The following CCDC85A variants were observed in gnomAD, a reference collection of about 807,000 sequenced individuals.
CCDC85A encodes the protein coiled-coil domain containing 85A, also known as coiled-coil domain-containing protein 85A.
CCDC85A carries 38 observed loss-of-function variants against 50.2 expected under a neutral mutation model. The observed-to-expected ratio is 0.76, with a 90% CI of 0.58 to 0.99. CCDC85A has a LOEUF of 0.99. Among genes scored for constraint, CCDC85A ranks in the 50% least tolerant of loss-of-function variants. The probability of loss-of-function intolerance (pLI) is 0.00; values close to 1 mark genes in which losing one functional copy is unlikely to be tolerated. For missense variants in CCDC85A, 820 were observed against 742.0 expected, an observed-to-expected ratio of 1.11 and a Z score of -1.22; for synonymous variants, 366 against 301.4, an observed-to-expected ratio of 1.21 and a Z score of -2.22.
intron 2 of CCDC85A, among the ~76,000 whole-genome samples, chr2:56,294,682 C>T (rs1405381328): frequency 6.6e-6 from 1 of 152,184 alleles, no homozygotes; most frequent in African/African-American, 2.4e-5. Context: ...ACAGATAAAA[C>T]ACTTTGCCTA....
At chr2:56,202,208 G>C (rs1314777535) in intron 2 of CCDC85A, among the ~76,000 whole-genome samples, 1 of 152,206 alleles carries the variant, frequency 6.6e-6, no homozygotes, top group Non-Finnish European at 1.5e-5. Flanking sequence ...TATCAGAGAA[G>C]ACCTGGTGAT....
intron 2 of CCDC85A, among the ~76,000 whole-genome samples, chr2:56,334,685 A>G (rs1277023338): frequency 1.3e-5 from 2 of 152,318 alleles, no homozygotes; most frequent in South Asian, 2.1e-4. Context: ...TTATGGTACA[A>G]AGCAGTATAT....
chr2:56,281,285 A>C (rs766016136), intron 2 of CCDC85A, among the ~76,000 whole-genome samples: 5 of 152,172 alleles, frequency 3.3e-5, no homozygotes, highest in Non-Finnish European at 7.4e-5. Context: ...TTTTTAAAAA[A>C]TATTTTTTCT....
At chr2:56,358,005 G>A (rs950503741) in intron 3 of CCDC85A, among the ~76,000 whole-genome samples, 8 of 152,174 alleles carry the variant, frequency 5.3e-5, no homozygotes, top group African/African-American at 1.9e-4. Context: ...GCAGGTGAGA[G>A]AATGTCACCT....
intron 2 of CCDC85A, among the ~76,000 whole-genome samples, chr2:56,218,767 A>G (rs964606949): frequency 3.3e-5 from 5 of 151,734 alleles, no homozygotes; most frequent in Non-Finnish European, 5.9e-5. Flanking sequence ...ATTTTTCCCT[A>G]TGGCACCAAC....
intron 4 of CCDC85A, among the ~76,000 whole-genome samples, chr2:56,374,017 G>A (rs1167128164): frequency 1.3e-5 from 2 of 152,174 alleles, no homozygotes; most frequent in East Asian, 1.9e-4. Context: ...TCCATTAGAT[G>A]TATTAGGCAT....
chr2:56,321,352 T>A (rs1673175342), intron 2 of CCDC85A, among the ~76,000 whole-genome samples: 1 of 152,160 alleles, frequency 6.6e-6, no homozygotes, highest in African/African-American at 2.4e-5. Context: ...AGTCAAATTG[T>A]CCCTGTTTGC....
intron 2 of CCDC85A, among the ~76,000 whole-genome samples, chr2:56,265,093 A>G (rs1227996975): frequency 6.6e-6 from 1 of 151,982 alleles, no homozygotes; most frequent in Non-Finnish European, 1.5e-5. Flanking sequence ...TGACTTCATG[A>G]CCTGTGATGC....
intron 2 of CCDC85A, among the ~76,000 whole-genome samples, chr2:56,323,992 A>T (rs1440724340): frequency 2.0e-5 from 3 of 152,200 alleles, no homozygotes; most frequent in South Asian, 4.1e-4. Context: ...TACGTTTATA[A>T]ATTGTAGGAG....
intron 2 of CCDC85A, among the ~76,000 whole-genome samples, chr2:56,281,188 A>G (rs1671191197): frequency 6.6e-6 from 1 of 152,202 alleles, no homozygotes; most frequent in South Asian, 2.1e-4. Flanking sequence ...ACAGAACCAT[A>G]CAGTATTTAC....
At chr2:56,353,443 C>A (rs181508920) in intron 3 of CCDC85A, among the ~76,000 whole-genome samples, 1 of 152,298 alleles carries the variant, frequency 6.6e-6, no homozygotes, top group East Asian at 1.9e-4. Flanking sequence ...AGAGCTAACT[C>A]CTTCATTTCT....
intron 2 of CCDC85A, among the ~76,000 whole-genome samples, chr2:56,323,719 T>C (rs1673330290): frequency 6.6e-6 from 1 of 152,082 alleles, no homozygotes; most frequent in Non-Finnish European, 1.5e-5. Context: ...TAGAACAGGA[T>C]TGAGGAGCTG....
chr2:56,185,004 C>T (rs1675943600), intron 1 of CCDC85A, 104 bp downstream of exon 1: 2 of 1,342,724 alleles, frequency 1.5e-6, no homozygotes, highest in African/African-American at 1.5e-5. Flanking sequence ...AACAGGTGAC[C>T]CTCCCCTTCT....
chr2:56,334,400 T>C (rs1336468051), intron 2 of CCDC85A, among the ~76,000 whole-genome samples: 1 of 152,188 alleles, frequency 6.6e-6, no homozygotes, highest in African/African-American at 2.4e-5. Context: ...TGTTTGAGGG[T>C]TAGTGAAATA....
chr2:56,220,178 G>C (rs772170196), intron 2 of CCDC85A, among the ~76,000 whole-genome samples: 1 of 151,876 alleles, frequency 6.6e-6, no homozygotes, highest in African/African-American at 2.4e-5. Context: ...ACATCCTTTC[G>C]TGCATATATT....
intron 2 of CCDC85A, among the ~76,000 whole-genome samples, chr2:56,226,070 G>A (rs72801196): frequency 0.024 from 3,596 of 152,184 alleles, 61 homozygotes; most frequent in South Asian, 0.046. Flanking sequence ...TCCAAGTGTG[G>A]TATCATTGCA....
At chr2:56,291,773 C>G (rs1184350565) in intron 2 of CCDC85A, among the ~76,000 whole-genome samples, 1 of 115,518 alleles carries the variant, frequency 8.7e-6, no homozygotes, top group Admixed American at 8.8e-5. Context: ...AATGGGAAGG[C>G]TTTTTTTTTT....
chr2:56,282,288 A>G (rs1467303345), intron 2 of CCDC85A, among the ~76,000 whole-genome samples: 1 of 152,146 alleles, frequency 6.6e-6, no homozygotes, highest in Non-Finnish European at 1.5e-5. Flanking sequence ...TTAATACAAC[A>G]CTGTCTTGAT....
At chr2:56,194,847 G>A (rs1013701115) in intron 2 of CCDC85A, among the ~76,000 whole-genome samples, 5 of 152,202 alleles carry the variant, frequency 3.3e-5, no homozygotes, top group African/African-American at 4.8e-5. Context: ...CCCAAGAGCC[G>A]TGGAGATGCT....
Sources: gnomAD v4.1 joint callset for allele counts (sites outside exome capture counted in the v4.1 genomes callset) on GRCh38, gnomAD v4.1.1 for gene constraint, MANE v1.5 for transcripts, NCBI Gene and HGNC (gene_info 2026-07-23, HGNC 2026-07-21) for gene names.